Variants in HEATR1 observed in about 807,000 individuals in gnomAD.
HEATR1 encodes HEAT repeat containing 1.
Under a neutral mutation model 248.2 loss-of-function variants are expected in HEATR1, and 77 were observed. That is an observed-to-expected ratio of 0.31 (90% CI 0.26 to 0.37). The LOEUF is 0.37. Among genes scored for constraint, HEATR1 ranks in the 10% least tolerant of loss-of-function variants. HEATR1 has a pLI of 1.00. For missense variants in HEATR1, 2,420 were observed against 2,504.9 expected, an observed-to-expected ratio of 0.97 and a Z score of 0.72; for synonymous variants, 897 against 923.1, an observed-to-expected ratio of 0.97 and a Z score of 0.51.
chr1:236,566,618 TC>T (rs1558181189), intron 30 of HEATR1, 27 bp downstream of exon 30: 1 of 1,501,916 alleles, frequency 6.7e-7, no homozygotes, highest in Non-Finnish European at 9.2e-7. Context: ...ATCACCATTT[TC>T]CTTATCTTCC....
rs1287954302 is a variant in HEATR1 at position 236,594,034 on chromosome 1, T to G, written c.1171A>C (p.Asn391His). 1.3e-6 allele frequency: 2 copies of G among 1,595,988 alleles called. No individual in the cohort carries two copies. The highest frequency in any genetic ancestry group is 1.7e-6 in the Non-Finnish European group (2 of 1,173,312). Residue 391 changes from asparagine (N) to histidine (H), a missense_variant, in exon 9 of 45, where the codon AAC becomes CAC. Coordinates refer to ENST00000366582, the MANE Select transcript of HEATR1 (RefSeq NM_018072.6). ...AILTKISLKN[N>H]LDHLLASLLF... ...TACCTAGCCAACAAATGGTCTAAGT[T>G]GTTCTTCAGTGATATTTTTGTAAGT... is the stretch of plus-strand genomic sequence containing the variant.
In HEATR1 at chr1:236,572,640, G is replaced by A. The variant is rs1663458638; in HGVS notation, c.3563+85C>T. 5 of 1,593,588 alleles carry A rather than the reference G, an allele frequency of 3.1e-6. No homozygotes were observed. In the South Asian group the frequency reaches 3.3e-5, roughly 11 times the overall value. On this transcript the variant is annotated intron_variant, in intron 25 of 44. Transcript: ENST00000366582. ...CCATTGTGCCTGATTATAGCAAATT[G>A]ATGAGTATCAAAAAGTTCCAATGGT...
chr1:236,557,534 G>A (rs1034968135), intron 36 of HEATR1, among the ~76,000 whole-genome samples, 189 bp from the exon 37 acceptor site: 4 of 152,136 alleles, frequency 2.6e-5, no homozygotes, highest in African/African-American at 9.7e-5. Context: ...CTAACAGTAC[G>A]GACACAACAG....
At chr1:236,584,639 A>G (rs975712861) in intron 17 of HEATR1, among the ~76,000 whole-genome samples, 1 of 152,250 alleles carries the variant, frequency 6.6e-6, no homozygotes, top group African/African-American at 2.4e-5. Context: ...AAAATTATTT[A>G]AAGCCTAAAA....
Position 236,571,702 on chromosome 1 carries a change from A to C in HEATR1, c.3708-16T>G. The C allele has an allele frequency of 5.8e-6, 9 of 1,543,562 alleles. No individual in the cohort carries two copies. Among genetic ancestry groups the C allele is most frequent in the Non-Finnish European group, 8.1e-6 (9 of 1,116,332 alleles). On this transcript the variant is annotated splice_polypyrimidine_tract_variant and intron_variant, in intron 26 of 44. Coordinates refer to ENST00000366582, the MANE Select transcript of HEATR1 (RefSeq NM_018072.6). ...TTCTAAACATCTTCAGGACACCCAA[A>C]AGAGAAATGATGGGAAATGTAAAAG...
chr1:236,583,152 C>A lies in HEATR1; in HGVS notation c.2286G>T (p.Gly762=), dbSNP rs755402822. 1.9e-6 allele frequency: 3 copies of A among 1,613,270 alleles called. No individual in the cohort carries two copies. Among genetic ancestry groups the A allele is most frequent in the Non-Finnish European group, 2.5e-6 (3 of 1,179,772 alleles). ...EWHIELMLDR[G]IPVELWAHYV... ...AATGTGCCCACAGCTCCACTGGGAT[C>A]CCTCTGTCTAACATCAGTTCAATGT... The change falls in exon 18 of 45, where the codon GGG becomes GGT. Residue 762 remains glycine, a synonymous_variant. Coordinates refer to ENST00000366582, the MANE Select transcript of HEATR1 (RefSeq NM_018072.6).
chr1:236,572,520 C>T lies in HEATR1; in HGVS notation c.3598G>A (p.Gly1200Arg), dbSNP rs1286359454. The T allele has an allele frequency of 6.2e-7, 1 of 1,613,954 alleles. No homozygotes were observed. Among genetic ancestry groups the T allele is most frequent in the Non-Finnish European group, 8.5e-7 (1 of 1,179,978 alleles). ...GTTACTCTTTGCCAGTAAGAACCTC[C>T]AACTTCCTGAACAGATTCTAGATCT... is the stretch of plus-strand genomic sequence containing the variant. Reference protein sequence around the residue: ...SQDLESVQEVGGSYWQRVTLI... With the variant: ...SQDLESVQEVRGSYWQRVTLI... Residue 1200 changes from glycine (G) to arginine (R), a missense_variant, in exon 26 of 45, where the codon GGA becomes AGA. Coordinates refer to ENST00000366582, the MANE Select transcript of HEATR1 (RefSeq NM_018072.6).
intron 43 of HEATR1, chr1:236,552,408 CCG>C: frequency 5.3e-6 from 1 of 187,624 alleles, no homozygotes. Flanking sequence ...AAATAAAATG[CCG>C]CATGCAAACT....
chr1:236,580,151 G>A (rs190938422), intron 20 of HEATR1, among the ~76,000 whole-genome samples: 88 of 152,038 alleles, frequency 5.8e-4, no homozygotes, highest in African/African-American at 1.7e-3. Context: ...TTTCAATATC[G>A]CATTCATTGT....
Position 236,565,914 on chromosome 1 carries a change from C to A in HEATR1, c.4435+5G>T. 1 of 1,612,850 alleles carries A rather than the reference C, an allele frequency of 6.2e-7. No homozygotes were observed. The highest frequency in any genetic ancestry group is 8.5e-7 in the Non-Finnish European group (1 of 1,179,520). ...AACAGTAAGTGACACCCGATCTACG[C>A]TTACCTTCTTTTTCCTCTGGCAGCT... is the stretch of plus-strand genomic sequence containing the variant. On this transcript the variant is annotated splice_donor_5th_base_variant and intron_variant, in intron 31 of 44. Transcript: ENST00000366582.
In HEATR1 at chr1:236,572,626, G is replaced by A. The variant is rs1663457950; in HGVS notation, c.3564-72C>T. The stretch of plus-strand genomic sequence containing the variant: ...GTGCTAAGTAAAAACCATTGTGCCT[G>A]ATTATAGCAAATTGATGAGTATCAA... On this transcript the variant is annotated intron_variant, in intron 25 of 44. Transcript: ENST00000366582. The A allele has an allele frequency of 3.1e-6, 5 of 1,603,166 alleles. No homozygotes were observed. The Admixed American group carries it at 8.4e-5, about 27-fold the overall frequency.
At chr1:236,556,661 C>T (rs949148888) in intron 37 of HEATR1, among the ~76,000 whole-genome samples, 1 of 152,158 alleles carries the variant, frequency 6.6e-6, no homozygotes, top group Non-Finnish European at 1.5e-5. Context: ...TAATCATTTG[C>T]CCCATGGTAA....
In HEATR1 at chr1:236,585,088, C is replaced by T; in HGVS notation, c.2178G>A (p.Ala726=). The T allele has an allele frequency of 6.2e-7, 1 of 1,613,926 alleles. No homozygotes were observed. Among genetic ancestry groups the T allele is most frequent in the Non-Finnish European group, 8.5e-7 (1 of 1,179,890 alleles). ...SSLKETHFPF[A]IRVFSLLQKK... is the part of the protein sequence containing the mutation. ...TCTGCAACAAACTGAAGACTCTTAT[C>T]GCAAATGGAAAGTGGGTTTCTTTTA... The change falls in exon 17 of 45, where the codon GCG becomes GCA. Residue 726 remains alanine (A), a synonymous_variant. Transcript: ENST00000366582.
At chr1:236,551,013 A>G in intron 44 of HEATR1, 23 bp from the exon 45 acceptor site, 1 of 1,517,148 alleles carries the variant, frequency 6.6e-7, no homozygotes, top group Non-Finnish European at 8.9e-7. Flanking sequence ...AAAAAAAATC[A>G]AAATTAAAAT....
intron 29 of HEATR1, among the ~76,000 whole-genome samples, chr1:236,567,456 A>G (rs1307992215): frequency 6.6e-6 from 1 of 152,210 alleles, no homozygotes; most frequent in Non-Finnish European, 1.5e-5. Context: ...CACGCCTGTA[A>G]TCCCAACACT....
rs542263344 is a variant in HEATR1, at chr1:236,558,974, G to A, written c.4911+21C>T. The A allele has an allele frequency of 3.4e-5, 54 of 1,565,284 alleles. 1 individual carries two copies. In the South Asian group the frequency reaches 6.1e-4, roughly 18 times the overall value. On this transcript the variant is annotated intron_variant, in intron 35 of 44. Transcript: ENST00000366582. The stretch of plus-strand genomic sequence containing the variant: ...ATAAAGCAAAGTACAGTAAATGGGT[G>A]TGTCCTGGGTCTTCACTCACTATTG...
chr1:236,590,805 A>G (rs928019734), intron 12 of HEATR1, 42 bp downstream of exon 12: 3 of 1,076,042 alleles, frequency 2.8e-6, no homozygotes, highest in Non-Finnish European at 3.9e-6. Context: ...ACTGCTCATC[A>G]TAAGAAAAAA....
At chr1:236,580,031 A>G in intron 20 of HEATR1, among the ~76,000 whole-genome samples, 1 of 152,128 alleles carries the variant, frequency 6.6e-6, no homozygotes, top group Admixed American at 6.5e-5. Context: ...TACAGTTTGA[A>G]GCATTAATCA....
intron 29 of HEATR1, 137 bp from the exon 30 acceptor site, chr1:236,567,013 G>GAATTTTATTTATTTA: frequency 1.6e-6 from 1 of 626,704 alleles, no homozygotes; most frequent in Non-Finnish European, 2.8e-6. Context: ...TAGAGACAGG[G>GAATTTTATTTATTTA]TCTTTCTCCA....
Sources: allele counts gnomAD v4.1 joint callset (sites outside exome capture counted in the v4.1 genomes callset), GRCh38; gene constraint gnomAD v4.1.1; transcripts MANE v1.5; gene names NCBI Gene and HGNC (gene_info 2026-07-23, HGNC 2026-07-21).